The following GSDME variants were observed in gnomAD, a reference collection of about 807,000 sequenced individuals.
The protein encoded by GSDME is gasdermin-E.
In GSDME, 44 loss-of-function variants were observed where a neutral mutation model predicts 47.5. The ratio of observed to expected loss-of-function variants is 0.93; its 90% CI spans 0.73 to 1.19. The LOEUF is 1.19. Ranked by LOEUF, GSDME falls within the 50% of genes most tolerant of loss-of-function variation. GSDME has a pLI of 0.00. For missense variants in GSDME, 663 were observed against 604.2 expected, an observed-to-expected ratio of 1.10 and a Z score of -1.02; for synonymous variants, 258 against 252.8, an observed-to-expected ratio of 1.02 and a Z score of -0.20.
intron 3 of GSDME, among the ~76,000 whole-genome samples, chr7:24,730,722 G>A (rs1336579412): frequency 6.6e-6 from 1 of 152,192 alleles, no homozygotes; most frequent in Non-Finnish European, 1.5e-5. Context: ...GGCTGAGGCG[G>A]GAGAATTGCT....
chr7:24,789,728 G>A, the GSDME span, among the ~76,000 whole-genome samples: 1 of 152,180 alleles, frequency 6.6e-6, no homozygotes, highest in Admixed American at 6.5e-5. Flanking sequence ...GACAATATGA[G>A]GAGTGGTCGC....
At chr7:24,761,510 G>T (rs113034209), upstream of GSDME, among the ~76,000 whole-genome samples, 9 of 152,286 alleles carry the variant, frequency 5.9e-5, no homozygotes, top group African/African-American at 1.9e-4. This position sits in a 1 kb window ranked among gnomAD's most constrained non-coding sequence, Gnocchi z 4.4. Context: ...CATTGATGAG[G>T]GTTCCACCTC....
intron 5 of GSDME, among the ~76,000 whole-genome samples, chr7:24,713,630 G>A (rs1319083774): frequency 2.0e-5 from 3 of 152,218 alleles, no homozygotes; most frequent in African/African-American, 4.8e-5. Flanking sequence ...TGTGACCAGA[G>A]GGAAGGCACG....
Position 24,729,675 on chromosome 7 carries a change from C to G in GSDME, c.405-10457G>C, listed in dbSNP as rs1045251009. On this transcript the variant is annotated intron_variant, in intron 3 of 9. Coordinates refer to ENST00000645220, the MANE Select transcript of GSDME (RefSeq NM_001127453.2). ...AGACAAGGACTGGAGGTAGAAGGAGCCTGGAGTATTAATCCCAGGAACTGA... is the reference window on the plus strand; with the variant it reads ...AGACAAGGACTGGAGGTAGAAGGAGGCTGGAGTATTAATCCCAGGAACTGA... Among the ~76,000 whole-genome samples the G allele has an allele frequency of 2.6e-5, 4 of 152,188 alleles. No individual in the cohort carries two copies. The South Asian group carries it at 8.3e-4, about 32-fold the overall frequency.
intron 6 of GSDME, 126 bp downstream of exon 6, chr7:24,710,098 C>T: frequency 9.1e-7 from 1 of 1,099,966 alleles, no homozygotes; most frequent in South Asian, 1.3e-5. Context: ...GGCGGCATCA[C>T]CTCTCTTCTC....
the GSDME span, among the ~76,000 whole-genome samples, chr7:24,764,301 G>T: frequency 6.6e-6 from 1 of 152,216 alleles, no homozygotes; most frequent in Non-Finnish European, 1.5e-5. This position sits in a 1 kb window ranked among gnomAD's most constrained non-coding sequence, Gnocchi z 4.4. Flanking sequence ...AACCCTGCAA[G>T]TAGAGCTTCT....
intron 8 of GSDME, 179 bp from the exon 9 acceptor site, chr7:24,703,012 A>C: frequency 1.7e-6 from 1 of 574,432 alleles, no homozygotes; most frequent in Non-Finnish European, 3.3e-6. Context: ...AAGACCTTGT[A>C]GAAAACAGAT....
intron 9 of GSDME, chr7:24,702,297 G>A (rs925891632): frequency 2.1e-5 from 5 of 242,592 alleles, no homozygotes; most frequent in South Asian, 5.9e-5. Context: ...CCAAGCTAAC[G>A]ATATTCCTGA....
rs564715248 is a variant in GSDME, at chr7:24,721,947, C to A, written c.405-2729G>T. Among the ~76,000 whole-genome samples the A allele has an allele frequency of 1.8e-3, 277 of 152,314 alleles. 2 individuals carry two copies. Among genetic ancestry groups the A allele is most frequent in the African/African-American group, 6.4e-3 (266 of 41,558 alleles). ...GGCCACATTTCACTGACTCATTGGT[C>A]ACCTCCTCGGGGAAGCATTCCCTGC... On this transcript the variant is annotated intron_variant, in intron 3 of 9. Transcript: ENST00000645220. The surrounding 1 kb of genome is among the most constrained non-coding windows in gnomAD (Gnocchi z 4.1).
the GSDME span, among the ~76,000 whole-genome samples, chr7:24,769,004 C>G: frequency 3.3e-5 from 5 of 152,336 alleles, no homozygotes; most frequent in East Asian, 9.6e-4. Context: ...TCATAGAGCT[C>G]ATGCTCTAAT....
At chr7:24,753,556 TA>T (rs1194577702) in intron 1 of GSDME, among the ~76,000 whole-genome samples, 1 of 152,172 alleles carries the variant, frequency 6.6e-6, no homozygotes, top group Non-Finnish European at 1.5e-5. Flanking sequence ...GAACAATGGG[TA>T]AATGCATCTG....
At chr7:24,762,182 A>G (rs2128070807), upstream of GSDME, among the ~76,000 whole-genome samples, 1 of 151,132 alleles carries the variant, frequency 6.6e-6, no homozygotes, top group African/African-American at 2.4e-5. Flanking sequence ...TGAGCCTGGG[A>G]AGTTGAGGGT....
At chr7:24,710,128 CTGAG>C in intron 6 of GSDME, 92 bp downstream of exon 6, 1 of 1,326,116 alleles carries the variant, frequency 7.5e-7, no homozygotes, top group Non-Finnish European at 1.1e-6. Flanking sequence ...CTGTGAGTCA[CTGAG>C]GGGTCACTGA....
intron 5 of GSDME, chr7:24,715,611 C>G (rs1789522382): frequency 2.5e-6 from 1 of 402,782 alleles, no homozygotes; most frequent in East Asian, 8.5e-5. Context: ...CCCTACTTAC[C>G]ACATACAGAT....
At chr7:24,784,193 T>G in the GSDME span, among the ~76,000 whole-genome samples, 2 of 152,152 alleles carry the variant, frequency 1.3e-5, no homozygotes, top group African/African-American at 4.8e-5. Context: ...TATGATGGCT[T>G]GAGAGAGGAC....
Position 24,728,535 on chromosome 7 carries a change from G to A in GSDME, c.405-9317C>T, listed in dbSNP as rs934589963. Among the ~76,000 whole-genome samples, 1 of 152,160 alleles carries A rather than the reference G, an allele frequency of 6.6e-6. No individual in the cohort carries two copies. The highest frequency in any genetic ancestry group is 2.4e-5 in the African/African-American group (1 of 41,440). On this transcript the variant is annotated intron_variant, in intron 3 of 9. Coordinates refer to ENST00000645220, the MANE Select transcript of GSDME (RefSeq NM_001127453.2). This position sits in a 1 kb window ranked among gnomAD's most constrained non-coding sequence, Gnocchi z 7.2. ...ATGCAGCTCAGCACCATCCACCCTC[G>A]AAGCTCTGCGCCCATCTGCCTCTCC... is the stretch of plus-strand genomic sequence containing the variant.
At chr7:24,785,508 T>A in the GSDME span, among the ~76,000 whole-genome samples, 1 of 152,186 alleles carries the variant, frequency 6.6e-6, no homozygotes, top group Non-Finnish European at 1.5e-5. Flanking sequence ...CAGTCTGGAG[T>A]GCAGTGGCGC....
At chr7:24,713,450 C>T (rs1022835973) in intron 5 of GSDME, among the ~76,000 whole-genome samples, 1 of 152,230 alleles carries the variant, frequency 6.6e-6, no homozygotes, top group South Asian at 2.1e-4. Context: ...TATCTTAGGA[C>T]TGCATGTCCT....
the GSDME span, among the ~76,000 whole-genome samples, chr7:24,794,738 A>C: frequency 6.6e-6 from 1 of 152,266 alleles, no homozygotes; most frequent in Admixed American, 6.5e-5. Flanking sequence ...CTAATGGGGT[A>C]GGCTTACTTT....
Sources: allele counts gnomAD v4.1 joint callset (sites outside exome capture counted in the v4.1 genomes callset), GRCh38; gene constraint gnomAD v4.1.1; non-coding constraint Gnocchi (gnomAD v3.1); transcripts MANE v1.5; gene names NCBI Gene and HGNC (gene_info 2026-07-23, HGNC 2026-07-21).